RSRC1: variants seen among roughly 807,000 people sequenced by gnomAD.
RSRC1 encodes serine/Arginine-related protein 53.
RSRC1 carries 39 observed loss-of-function variants against 49.1 expected under a neutral mutation model. That is an observed-to-expected ratio of 0.79 (90% CI 0.61 to 1.04). The LOEUF (loss-of-function observed/expected upper bound fraction) is 1.04, where lower values mean the gene tolerates loss of function less well. RSRC1 is among the 50% of genes least tolerant of loss of function. The pLI, the probability that RSRC1 is intolerant of heterozygous loss-of-function variation, is 0.00. For synonymous variants in RSRC1, 143 were observed against 130.8 expected (o/e 1.09, Z -0.63); for missense variants, 388 against 402.4 (o/e 0.96, Z 0.31).
At chr3:158,249,556 C>A (rs1176093710) in intron 4 of RSRC1, among the ~76,000 whole-genome samples, 2 of 152,162 alleles carry the variant, frequency 1.3e-5, no homozygotes, top group Non-Finnish European at 2.9e-5. Flanking sequence ...TTGACTATTA[C>A]AAAACCAGCT....
intron 6 of RSRC1, among the ~76,000 whole-genome samples, chr3:158,419,846 C>T (rs1734944008): frequency 6.7e-6 from 1 of 150,196 alleles, no homozygotes; most frequent in African/African-American, 2.5e-5. Context: ...GAGGCTAATG[C>T]AACACACTCA....
At chr3:158,202,049 C>G (rs945753459) in intron 3 of RSRC1, among the ~76,000 whole-genome samples, 1 of 152,160 alleles carries the variant, frequency 6.6e-6, no homozygotes, top group Non-Finnish European at 1.5e-5. Context: ...GAGTCTTTCT[C>G]TGTCACCCAG....
intron 5 of RSRC1, among the ~76,000 whole-genome samples, chr3:158,316,599 C>T (rs1728475999): frequency 6.6e-6 from 1 of 151,922 alleles, no homozygotes; most frequent in African/African-American, 2.4e-5. Context: ...CGCCCGCCAC[C>T]TCGCCCAGCT....
chr3:158,530,493 C>A (rs977713064), intron 7 of RSRC1, among the ~76,000 whole-genome samples: 1 of 151,878 alleles, frequency 6.6e-6, no homozygotes, highest in Non-Finnish European at 1.5e-5. Flanking sequence ...TTATTTGTCT[C>A]CCTCATTAAA....
intron 6 of RSRC1, among the ~76,000 whole-genome samples, chr3:158,441,413 A>G (rs1221093360): frequency 1.3e-5 from 2 of 152,112 alleles, no homozygotes; most frequent in African/African-American, 4.8e-5. Context: ...AACAAAAGAA[A>G]GAACCAAACA....
At chr3:158,325,044 C>A (rs530550054) in intron 5 of RSRC1, among the ~76,000 whole-genome samples, 2 of 152,286 alleles carry the variant, frequency 1.3e-5, no homozygotes, top group African/African-American at 4.8e-5. Context: ...TGAGAAGTGT[C>A]TGTTCATATC....
intron 5 of RSRC1, among the ~76,000 whole-genome samples, chr3:158,312,810 GC>G (rs900093829): frequency 6.6e-5 from 10 of 151,816 alleles, no homozygotes; most frequent in African/African-American, 2.4e-4. Context: ...ACCCTTTATT[GC>G]CACTGCTCTG....
At chr3:158,292,535 TAATTG>T (rs955859424) in intron 4 of RSRC1, among the ~76,000 whole-genome samples, 29 of 152,308 alleles carry the variant, frequency 1.9e-4, no homozygotes, top group African/African-American at 6.7e-4. Context: ...TTGAGACCTA[TAATTG>T]AATTAAGTCT....
intron 3 of RSRC1, among the ~76,000 whole-genome samples, chr3:158,130,861 C>T (rs1715973349): frequency 6.6e-6 from 1 of 152,090 alleles, no homozygotes; most frequent in African/African-American, 2.4e-5. Flanking sequence ...TATCCTGTAA[C>T]CTTTCCACTC....
chr3:158,344,485 T>C (rs906145944), intron 5 of RSRC1, among the ~76,000 whole-genome samples: 4 of 152,180 alleles, frequency 2.6e-5, no homozygotes, highest in Admixed American at 2.0e-4. Context: ...AGAAAAGTTT[T>C]ATAAAATTTG....
chr3:158,122,742 A>G (rs971170454), intron 2 of RSRC1, among the ~76,000 whole-genome samples: 1 of 144,340 alleles, frequency 6.9e-6, no homozygotes, highest in Non-Finnish European at 1.5e-5. Flanking sequence ...CCCCCACCCC[A>G]TGACAGGCCC....
chr3:158,440,411 A>T (rs1736320063), intron 6 of RSRC1, among the ~76,000 whole-genome samples: 1 of 152,084 alleles, frequency 6.6e-6, no homozygotes, highest in South Asian at 2.1e-4. Flanking sequence ...AAGTAGTCTA[A>T]ATTTCTTTGC....
intron 4 of RSRC1, among the ~76,000 whole-genome samples, chr3:158,248,558 T>A (rs939252095): frequency 1.3e-5 from 2 of 151,902 alleles, no homozygotes; most frequent in Admixed American, 1.3e-4. Flanking sequence ...GTTTTTGTTA[T>A]CTGGAAATTG....
chr3:158,309,433 A>C (rs1728013299), intron 5 of RSRC1, among the ~76,000 whole-genome samples: 1 of 151,838 alleles, frequency 6.6e-6, no homozygotes, highest in Admixed American at 6.6e-5. Context: ...CTATTTTTTG[A>C]ACTATGATAA....
At chr3:158,441,123 G>A (rs1469783429) in intron 6 of RSRC1, among the ~76,000 whole-genome samples, 2 of 152,036 alleles carry the variant, frequency 1.3e-5, no homozygotes, top group Non-Finnish European at 2.9e-5. Flanking sequence ...GTATCTGTCT[G>A]CTTCTCCTAC....
intron 6 of RSRC1, among the ~76,000 whole-genome samples, chr3:158,362,136 C>T (rs1272638233): frequency 5.9e-5 from 9 of 152,062 alleles, no homozygotes; most frequent in African/African-American, 1.9e-4. Context: ...CCCAGGAGTT[C>T]GAGACCAGCC....
At chr3:158,439,985 A>AGG (rs1736292020) in intron 6 of RSRC1, among the ~76,000 whole-genome samples, 1 of 151,972 alleles carries the variant, frequency 6.6e-6, no homozygotes. Flanking sequence ...AGGCAAGGGG[A>AGG]GGGAGAGCAC....
chr3:158,238,053 A>G (rs990067533), intron 4 of RSRC1, among the ~76,000 whole-genome samples: 4 of 152,240 alleles, frequency 2.6e-5, no homozygotes, highest in African/African-American at 9.6e-5. Context: ...AAAAATCACA[A>G]GCATTCCTAT....
At chr3:158,307,596 G>A (rs1193513) in intron 5 of RSRC1, among the ~76,000 whole-genome samples, 105,623 of 151,566 alleles carry the variant, frequency 0.7, 37,286 homozygotes, top group East Asian at 0.85. Flanking sequence ...ATAATATTAT[G>A]ATATCAGCTC....
Sources: allele counts gnomAD v4.1 joint callset (sites outside exome capture counted in the v4.1 genomes callset), GRCh38; gene constraint gnomAD v4.1.1; transcripts MANE v1.5; gene names NCBI Gene and HGNC (gene_info 2026-07-23, HGNC 2026-07-21).